The following PLPP1 variants were observed in gnomAD, a reference collection of about 807,000 sequenced individuals.
The protein encoded by PLPP1 is lipid phosphate phosphohydrolase 1a.
PLPP1 carries 24 observed loss-of-function variants against 31.2 expected under a neutral mutation model. That is an observed-to-expected ratio of 0.77 (90% confidence interval 0.56 to 1.08). The LOEUF is 1.08. Ranked by LOEUF, PLPP1 falls within the 50% of genes least tolerant of loss-of-function variation. The pLI is 0.00. For synonymous variants in PLPP1, 146 were observed against 126.3 expected, an observed-to-expected ratio of 1.16 and a Z score of -1.05; for missense variants, 319 against 342.7, an observed-to-expected ratio of 0.93 and a Z score of 0.55.
intron 4 of PLPP1, among the ~76,000 whole-genome samples, chr5:55,434,194 A>G (rs182166598): frequency 1.5e-4 from 23 of 152,078 alleles, no homozygotes; most frequent in Non-Finnish European, 2.5e-4. Flanking sequence ...AGAAGAAGAA[A>G]AAAAGACACC....
intron 1 of PLPP1, among the ~76,000 whole-genome samples, chr5:55,493,644 T>G (rs1752943229): frequency 1.3e-5 from 2 of 151,994 alleles, no homozygotes; most frequent in Admixed American, 1.3e-4. Flanking sequence ...TCCCAGCACT[T>G]TGGGAAGCCG....
At chr5:55,482,036 T>A (rs1224585531) in intron 1 of PLPP1, among the ~76,000 whole-genome samples, 3 of 148,018 alleles carry the variant, frequency 2.0e-5, no homozygotes, top group Non-Finnish European at 4.5e-5. Flanking sequence ...AATATATATT[T>A]ATTTATATAA....
chr5:55,495,122 ACT>A (rs1752978519), intron 1 of PLPP1, among the ~76,000 whole-genome samples: 2 of 132,680 alleles, frequency 1.5e-5, no homozygotes, highest in South Asian at 5.6e-4. Flanking sequence ...CAAGAGCAAA[ACT>A]CTGTCTCCAA....
At chr5:55,481,397 A>G (rs901473831) in intron 1 of PLPP1, among the ~76,000 whole-genome samples, 32 of 152,188 alleles carry the variant, frequency 2.1e-4, no homozygotes, top group African/African-American at 7.0e-4. Context: ...ACAGTATTCC[A>G]TTGTACGAAT....
At chr5:55,466,650 C>T (rs1431950707) in intron 3 of PLPP1, among the ~76,000 whole-genome samples, 1 of 151,790 alleles carries the variant, frequency 6.6e-6, no homozygotes, top group African/African-American at 2.4e-5. Flanking sequence ...CTGCAGTGAG[C>T]CAAGATCATG....
intron 4 of PLPP1, among the ~76,000 whole-genome samples, chr5:55,431,122 AAGGGATAG>A (rs1190711579): frequency 1.3e-5 from 2 of 152,206 alleles, no homozygotes; most frequent in African/African-American, 4.8e-5. Flanking sequence ...ACAAAAATAA[AAGGGATAG>A]AAAACCTATT....
chr5:55,523,490 G>C (rs979655763), intron 1 of PLPP1, among the ~76,000 whole-genome samples: 1 of 151,988 alleles, frequency 6.6e-6, no homozygotes, highest in Non-Finnish European at 1.5e-5. Context: ...GGTTGCCTTG[G>C]GTGAGTTTCC....
intron 1 of PLPP1, among the ~76,000 whole-genome samples, chr5:55,510,428 G>A (rs1753380209): frequency 6.6e-6 from 1 of 152,170 alleles, no homozygotes; most frequent in South Asian, 2.1e-4. Context: ...GGGCACTCAG[G>A]GAGGTAACAC....
intron 2 of PLPP1, among the ~76,000 whole-genome samples, chr5:55,470,056 C>T (rs1009630050): frequency 5.3e-5 from 8 of 152,166 alleles, no homozygotes; most frequent in Non-Finnish European, 8.8e-5. Flanking sequence ...AGATTCTTTT[C>T]TGAGAACAGG....
At chr5:55,477,490 C>T (rs1752580060) in intron 1 of PLPP1, among the ~76,000 whole-genome samples, 1 of 148,694 alleles carries the variant, frequency 6.7e-6, no homozygotes, top group South Asian at 2.1e-4. Context: ...ACTTCCAGGA[C>T]TCAAGCAATT....
At chr5:55,478,413 C>T (rs1752602936) in intron 1 of PLPP1, among the ~76,000 whole-genome samples, 1 of 152,040 alleles carries the variant, frequency 6.6e-6, no homozygotes. Context: ...AACTGAGGTA[C>T]AAAAAATTCT....
At chr5:55,497,711 T>TA (rs1753032895) in intron 1 of PLPP1, among the ~76,000 whole-genome samples, 2 of 152,086 alleles carry the variant, frequency 1.3e-5, no homozygotes, top group South Asian at 4.1e-4. Flanking sequence ...AAGGAGAGTT[T>TA]AAGAAAGGGA....
At chr5:55,511,839 T>A (rs558245089) in intron 1 of PLPP1, among the ~76,000 whole-genome samples, 53 of 151,482 alleles carry the variant, frequency 3.5e-4, no homozygotes, top group Middle Eastern at 3.4e-3. Flanking sequence ...AATTTTTTTT[T>A]TTTTTATTTT....
chr5:55,513,794 T>C (rs4865952), intron 1 of PLPP1, among the ~76,000 whole-genome samples: 128,848 of 152,144 alleles, frequency 0.85, 54,921 homozygotes, highest in South Asian at 0.92. Flanking sequence ...AGCATGGCAG[T>C]GCACATCTGT....
chr5:55,429,528 T>C (rs1751292445), intron 4 of PLPP1, among the ~76,000 whole-genome samples: 1 of 151,992 alleles, frequency 6.6e-6, no homozygotes, highest in Non-Finnish European at 1.5e-5. Flanking sequence ...ATCCCAGCCA[T>C]GGAAGAAACC....
chr5:55,447,106 G>A (rs1442937955), intron 3 of PLPP1, among the ~76,000 whole-genome samples: 2 of 152,226 alleles, frequency 1.3e-5, no homozygotes, highest in Non-Finnish European at 2.9e-5. Context: ...ACAAGTGTGT[G>A]TGTAACGTAT....
intron 3 of PLPP1, among the ~76,000 whole-genome samples, chr5:55,455,309 G>T (rs1372668629): frequency 6.6e-6 from 1 of 152,108 alleles, no homozygotes; most frequent in African/African-American, 2.4e-5. Flanking sequence ...CAGCTAGGCC[G>T]GGCACGGCAC....
chr5:55,528,429 C>A (rs1740545689), intron 1 of PLPP1, among the ~76,000 whole-genome samples: 1 of 152,234 alleles, frequency 6.6e-6, no homozygotes, highest in African/African-American at 2.4e-5. Context: ...TCATTAGACT[C>A]TGAGCCCTTC....
At chr5:55,501,658 C>T (rs1169813476) in intron 1 of PLPP1, among the ~76,000 whole-genome samples, 1 of 152,140 alleles carries the variant, frequency 6.6e-6, no homozygotes, top group Non-Finnish European at 1.5e-5. Context: ...GAATGCACTA[C>T]CAAACCTGGC....
Sources: gnomAD v4.1 joint callset for allele counts (sites outside exome capture counted in the v4.1 genomes callset) on GRCh38, gnomAD v4.1.1 for gene constraint, MANE v1.5 for transcripts, NCBI Gene and HGNC (gene_info 2026-07-23, HGNC 2026-07-21) for gene names.